The following UBR4 variants were observed in gnomAD, a reference collection of about 807,000 sequenced individuals.
The protein encoded by UBR4 is E3 ubiquitin-protein ligase UBR4.
In UBR4, 124 loss-of-function variants were observed where a neutral mutation model predicts 575.6. The ratio of observed to expected loss-of-function variants is 0.22; its 90% CI spans 0.19 to 0.25. The LOEUF (loss-of-function observed/expected upper bound fraction) is 0.25. Ranked by LOEUF, UBR4 falls within the 10% of genes least tolerant of loss-of-function variation. UBR4 has a pLI of 1.00. For missense variants in UBR4, 4,818 were observed against 6,478.8 expected (o/e 0.74, Z 8.80); for synonymous variants, 2,455 against 2,473.7 (o/e 0.99, Z 0.22).
chr1:19,154,720 G>A (rs911751923), intron 44 of UBR4, among the ~76,000 whole-genome samples, 198 bp downstream of exon 44: 3 of 152,170 alleles, frequency 2.0e-5, no homozygotes, highest in Admixed American at 2.0e-4. Flanking sequence ...CCACAGTGGA[G>A]GACAAACCGT....
chr1:19,167,341 C>T (rs1234828720), intron 28 of UBR4, 110 bp from the exon 29 acceptor site: 9 of 1,097,230 alleles, frequency 8.2e-6, no homozygotes, highest in East Asian at 7.3e-5. Flanking sequence ...AGGGGAATTG[C>T]GCAAGGGCCT....
At chr1:19,130,761 GGCTTT>G (rs1235453286) in intron 60 of UBR4, among the ~76,000 whole-genome samples, 1 of 152,100 alleles carries the variant, frequency 6.6e-6, no homozygotes, top group Admixed American at 6.5e-5. Context: ...AACATAAGAC[GGCTTT>G]GTTTTGAGAT....
chr1:19,091,205 A>G (rs995111031), intron 97 of UBR4, among the ~76,000 whole-genome samples: 4 of 152,238 alleles, frequency 2.6e-5, no homozygotes, highest in African/African-American at 9.6e-5. Flanking sequence ...TCCATATACA[A>G]AAGAGAGATG....
chr1:19,159,703 GCTCCCACA>G (rs2150488997), intron 39 of UBR4, among the ~76,000 whole-genome samples: 1 of 151,134 alleles, frequency 6.6e-6, no homozygotes, highest in South Asian at 2.1e-4. Context: ...CTCAAGTGAT[GCTCCCACA>G]TTAGCCTTCC....
At position 19,091,021 on chromosome 1, in the gene UBR4, G is replaced by A. The variant is rs1333087880; in HGVS notation, c.14211+1798C>T. Among the ~76,000 whole-genome samples the A allele has an allele frequency of 4.6e-5, 7 of 151,950 alleles. No individual in the cohort carries two copies. In the East Asian group the frequency reaches 5.8e-4, roughly 13 times the overall value. On this transcript the variant is annotated intron_variant, in intron 97 of 105. Transcript: ENST00000375254. ...TGAGACAGGAGAATCGCTTGAACCC[G>A]GGAGGCAGAGGTTGCAGTGAGCCGA... is the stretch of plus-strand genomic sequence containing the variant.
At chr1:19,170,998 T>C (rs2150871623) in intron 25 of UBR4, 115 bp from the exon 26 acceptor site, 1 of 1,396,264 alleles carries the variant, frequency 7.2e-7, no homozygotes, top group Non-Finnish European at 9.8e-7. Flanking sequence ...CTATTTAATG[T>C]AGTTGATAGT....
intron 11 of UBR4, among the ~76,000 whole-genome samples, chr1:19,188,038 A>C (rs1282152210): frequency 6.7e-6 from 1 of 148,728 alleles, no homozygotes; most frequent in East Asian, 1.9e-4. Flanking sequence ...AATTAAATAA[A>C]TAAATAAATA....
chr1:19,104,997 G>C (rs779050245), intron 85 of UBR4, 51 bp downstream of exon 85: 1 of 1,599,064 alleles, frequency 6.3e-7, no homozygotes, highest in Non-Finnish European at 8.5e-7. Flanking sequence ...TTACATCAAG[G>C]TACAAGGGGG....
Position 19,175,043 on chromosome 1 carries a change from AAT to A in UBR4, c.2774-12_2774-11del. On this transcript the variant is annotated splice_polypyrimidine_tract_variant and intron_variant, in intron 20 of 105. Coordinates refer to ENST00000375254, the MANE Select transcript of UBR4 (RefSeq NM_020765.3). ...GGGTGTGGGACAGCATCTGAAAAGTAATATGCTGATTAAAAGAATGGTTCCAT... is the reference window on the plus strand; with the variant it reads ...GGGTGTGGGACAGCATCTGAAAAGTAATGCTGATTAAAAGAATGGTTCCAT... 1 of 1,609,350 alleles carries A rather than the reference AAT, an allele frequency of 6.2e-7. No individual in the cohort carries two copies.
intron 7 of UBR4, 66 bp downstream of exon 7, chr1:19,197,604 G>C: frequency 6.3e-7 from 1 of 1,582,172 alleles, no homozygotes; most frequent in Non-Finnish European, 8.6e-7. Flanking sequence ...TCCAGCCTGG[G>C]TGACAGAACA....
In UBR4 at chr1:19,198,542, A is replaced by T; in HGVS notation, c.647T>A (p.Leu216Gln). The change falls in exon 5 of 106, where the codon CTG (leucine) becomes CAG (glutamine). Residue 216 changes from leucine (L) to glutamine (Q), a missense_variant and splice_region_variant. Around this residue, in one of 29 missense-constraint regions of UBR4, gnomAD observed 83 missense variants for 77.3 expected, o/e 1.07. Coordinates refer to ENST00000375254, the MANE Select transcript of UBR4 (RefSeq NM_020765.3). The part of the protein sequence containing the change: ...VASQPISTQT[L>Q]VEGENDEQSS... ...AGACATTTGACTAAAGAAACTCACCAGAGTCTGTGTACTGATAGGTTGTGA... is the reference window on the plus strand; with the variant it reads ...AGACATTTGACTAAAGAAACTCACCTGAGTCTGTGTACTGATAGGTTGTGA... 1 of 1,612,076 alleles carries T rather than the reference A, an allele frequency of 6.2e-7. No homozygotes were observed. The highest frequency in any genetic ancestry group is 8.5e-7 in the Non-Finnish European group (1 of 1,178,598).
In UBR4 at chr1:19,081,452, G is replaced by A; in HGVS notation, c.15130C>T (p.His5044Tyr). The A allele has an allele frequency of 6.2e-7, 1 of 1,614,046 alleles. No individual in the cohort carries two copies. The highest frequency in any genetic ancestry group is 1.1e-5 in the South Asian group (1 of 91,060). ...CTCCACTGCTCAGGGGGCAGGATGT[G>A]AAGGGCCAAGACTGTGAAATAGTAG... is the stretch of plus-strand genomic sequence containing the variant. Reference protein sequence around the residue: ...GPYYFTVLALHILPPEQWRAT... With the variant: ...GPYYFTVLALYILPPEQWRAT... The change falls in exon 103 of 106, where the codon CAC becomes TAC. Residue 5044 changes from histidine (H) to tyrosine (Y), a missense_variant. This residue lies in a region of UBR4 where 212 missense variants were observed against 221.3 expected (regional missense o/e 0.96). Transcript: ENST00000375254.
intron 44 of UBR4, 76 bp downstream of exon 44, chr1:19,154,842 T>C (rs982147930): frequency 6.3e-6 from 10 of 1,584,256 alleles, no homozygotes; most frequent in East Asian, 4.5e-5. Context: ...TCAGAACAGA[T>C]AGCAGATAGT....
chr1:19,181,198 G>A lies in UBR4; in HGVS notation c.2185-1978C>T, dbSNP rs141612275. On this transcript the variant is annotated intron_variant, in intron 17 of 105. Transcript: ENST00000375254. ...GTTCGAGCAGCCTGGGCGACATAGC[G>A]AGACCCCATCAGGAAGACGGACGGA... Among the ~76,000 whole-genome samples, 607 of 152,112 alleles carry A rather than the reference G, an allele frequency of 4.0e-3. 3 individuals are homozygous for A. The highest frequency in any genetic ancestry group is 0.01 in the Middle Eastern group (3 of 294).
intron 75 of UBR4, 35 bp downstream of exon 75, chr1:19,114,776 C>CCA (rs2080303056): frequency 6.2e-7 from 1 of 1,611,820 alleles, no homozygotes; most frequent in Non-Finnish European, 8.5e-7. Context: ...CAGATCAAGG[C>CCA]CACAGCCCTG....
At chr1:19,134,130 G>C (rs1394672772) in intron 60 of UBR4, among the ~76,000 whole-genome samples, 1 of 149,158 alleles carries the variant, frequency 6.7e-6, no homozygotes, top group African/African-American at 2.5e-5. Flanking sequence ...AAACAGCTGG[G>C]CATGGTGGCA....
Position 19,112,632 on chromosome 1 carries a change from T to C in UBR4, c.11693A>G (p.His3898Arg), listed in dbSNP as rs754684816. 8 of 1,614,124 alleles carry C rather than the reference T, an allele frequency of 5.0e-6. No individual in the cohort carries two copies. In the South Asian group the frequency reaches 7.7e-5, roughly 16 times the overall value. The change falls in exon 78 of 106, where the codon CAC becomes CGC. Residue 3898 changes from histidine to arginine, a missense_variant. By Grantham distance (29) the His-to-Arg change is conservative. This residue lies in a region of UBR4 where 333 missense variants were observed against 459.2 expected (regional missense o/e 0.73). Coordinates refer to ENST00000375254, the MANE Select transcript of UBR4 (RefSeq NM_020765.3). ...RALATNPALR[H>R]ILVSQGLIRE... is the part of the protein sequence containing the mutation. ...GATAAGGCCCTGGGAGACAAGGATGTGCCTCAAGGCTGGGTTGGTGGCCAG... is the reference window on the plus strand; with the variant it reads ...GATAAGGCCCTGGGAGACAAGGATGCGCCTCAAGGCTGGGTTGGTGGCCAG...
At chr1:19,109,586 A>T (rs1225804045) in intron 81 of UBR4, among the ~76,000 whole-genome samples, 2 of 152,250 alleles carry the variant, frequency 1.3e-5, no homozygotes, top group Admixed American at 6.5e-5. Context: ...CACCGTTTTG[A>T]TCACTTAGTC....
chr1:19,181,984 C>T (rs766196133), intron 17 of UBR4, among the ~76,000 whole-genome samples: 20 of 152,292 alleles, frequency 1.3e-4, no homozygotes, highest in South Asian at 4.1e-4. Context: ...CTGCCCCACG[C>T]GACCACCATT....
Sources: allele counts gnomAD v4.1 joint callset (sites outside exome capture counted in the v4.1 genomes callset), GRCh38; gene constraint gnomAD v4.1.1; regional missense constraint gnomAD v4.1.1; transcripts MANE v1.5; gene names NCBI Gene and HGNC (gene_info 2026-07-23, HGNC 2026-07-21).